The following DST variants were observed in gnomAD, a reference collection of about 807,000 sequenced individuals.
The protein encoded by DST is dystonin.
In DST, 253 loss-of-function variants were observed where a neutral mutation model predicts 875.2. The observed-to-expected ratio is 0.29, with a 90% CI of 0.26 to 0.32. DST has a LOEUF of 0.32. Ranked by LOEUF, DST falls within the 10% of genes least tolerant of loss-of-function variation. The pLI, the probability that DST is intolerant of heterozygous loss-of-function variation, is 1.00. For synonymous variants in DST, 3,124 were observed against 3,197.1 expected (o/e 0.98, Z 0.77); for missense variants, 8,287 against 9,111.6 (o/e 0.91, Z 3.68).
At chr6:56,525,829 C>T (rs1290515304) in intron 69 of DST, among the ~76,000 whole-genome samples, 1 of 152,156 alleles carries the variant, frequency 6.6e-6, no homozygotes, top group Non-Finnish European at 1.5e-5. Context: ...AGTATACATT[C>T]TGCAGGAGTT....
intron 27 of DST, 85 bp from the exon 28 acceptor site, chr6:56,633,122 T>C: frequency 9.5e-7 from 1 of 1,048,266 alleles, no homozygotes; most frequent in Non-Finnish European, 1.5e-6. Context: ...GTGTGGTATA[T>C]GCCAATCTAA....
At chr6:56,569,344 A>AAAC (rs1406842224) in intron 54 of DST, among the ~76,000 whole-genome samples, 22 of 149,216 alleles carry the variant, frequency 1.5e-4, no homozygotes, top group East Asian at 9.7e-4. Context: ...AAAAAACAAA[A>AAAC]ACACACACAC....
chr6:56,463,585 G>T lies in DST; in HGVS notation c.22939C>A (p.Pro7647Thr). 6.3e-7 allele frequency: 1 copy of T among 1,595,456 alleles called. No homozygotes were observed. Among genetic ancestry groups the T allele is most frequent in the Non-Finnish European group, 8.6e-7 (1 of 1,168,734 alleles). ...CTTACCTTGGGTGTGGTGGTGGCAG[G>T]GACCTGTGGGGAGGCCGCCTGCGCA... is the stretch of plus-strand genomic sequence containing the variant. ...QAAQAASPQV[P>T]ATTTPKILHP... The change falls in exon 101 of 104, where the codon CCT (proline) becomes ACT (threonine). Residue 7647 changes from proline to threonine, a missense_variant. Pro to Thr is a conservative substitution (Grantham distance 38, BLOSUM62 -1). Around this residue, in one of 10 missense-constraint regions of DST, gnomAD observed 240 missense variants for 237.3 expected, o/e 1.01. Transcript: ENST00000680361.
At chr6:56,794,557 C>T (rs1286526015) in intron 4 of DST, among the ~76,000 whole-genome samples, 3 of 152,134 alleles carry the variant, frequency 2.0e-5, no homozygotes, top group Admixed American at 2.0e-4. Flanking sequence ...TGAAACCCCA[C>T]AAAAACCTCA....
intron 4 of DST, among the ~76,000 whole-genome samples, chr6:56,818,380 G>T (rs927076440): frequency 3.1e-4 from 47 of 152,134 alleles, no homozygotes; most frequent in African/African-American, 1.1e-3. Context: ...AAACATGGGT[G>T]TATATATAAC....
rs2097518148 is a variant in DST at position 56,560,351 on chromosome 6, C to G, written c.14383G>C (p.Glu4795Gln). The change falls in exon 58 of 104, where the codon GAG (glutamate) becomes CAG (glutamine). Residue 4795 changes from glutamate (E) to glutamine (Q), a missense_variant. Glu to Gln is a conservative substitution (Grantham distance 29, BLOSUM62 2). This residue lies in a region of DST where 1,513 missense variants were observed against 1,677.8 expected (regional missense o/e 0.90). Transcript: ENST00000680361. ...ELKDKLTELL[E>Q]ENPDTPEAPR... ...GCCTCAGGAGTATCTGGGTTCTCCT[C>G]CAACAGCTCTGTCAATTTGTCTTTC... 5 of 1,609,790 alleles carry G rather than the reference C, an allele frequency of 3.1e-6. No homozygotes were observed. The highest frequency in any genetic ancestry group is 4.2e-6 in the Non-Finnish European group (5 of 1,177,818).
chr6:56,560,352 C>T lies in DST; in HGVS notation c.14382G>A (p.Leu4794=). 4 of 1,609,688 alleles carry T rather than the reference C, an allele frequency of 2.5e-6. No homozygotes were observed. The highest frequency in any genetic ancestry group is 1.7e-6 in the Non-Finnish European group (2 of 1,177,684). ...CCTCAGGAGTATCTGGGTTCTCCTC[C>T]AACAGCTCTGTCAATTTGTCTTTCA... The part of the protein sequence containing the change: ...QELKDKLTEL[L]EENPDTPEAP... Residue 4794 remains leucine (L), a synonymous_variant, in exon 58 of 104, where the codon TTG becomes TTA. Coordinates refer to ENST00000680361, the MANE Select transcript of DST (RefSeq NM_001374736.1).
At chr6:56,851,675 C>T in intron 3 of DST, 71 bp from the exon 4 acceptor site, 2 of 1,558,940 alleles carry the variant, frequency 1.3e-6, no homozygotes, top group South Asian at 1.2e-5. Context: ...TAAACATCTC[C>T]CCCACCAACC....
rs1404977690 is a variant in DST, at chr6:56,573,678, C to T, written c.13236+1G>A. ...TGGGACTTTTTTTTAAAGTCACTTACAATGTTTTTACTGATAATATCCTGA... is the reference window on the plus strand; with the variant it reads ...TGGGACTTTTTTTTAAAGTCACTTATAATGTTTTTACTGATAATATCCTGA... On this transcript the variant is annotated splice_donor_variant, in intron 51 of 103. Coordinates refer to ENST00000680361, the MANE Select transcript of DST (RefSeq NM_001374736.1). LOFTEE classifies it high-confidence loss of function. The T allele has an allele frequency of 6.2e-7, 1 of 1,606,942 alleles. No homozygotes were observed. The highest frequency in any genetic ancestry group is 1.1e-5 in the South Asian group (1 of 90,180).
At chr6:56,861,154 T>C (rs951394163) in intron 3 of DST, among the ~76,000 whole-genome samples, 2 of 142,152 alleles carry the variant, frequency 1.4e-5, no homozygotes, top group African/African-American at 6.3e-5. Flanking sequence ...CACTTACTCT[T>C]TCACTACAAA....
intron 4 of DST, among the ~76,000 whole-genome samples, chr6:56,833,793 A>G (rs2099790214): frequency 6.6e-6 from 1 of 152,204 alleles, no homozygotes; most frequent in Non-Finnish European, 1.5e-5. Flanking sequence ...TAGCTATAAT[A>G]TGCAGTGGCT....
At chr6:56,782,766 C>A (rs1304087390) in intron 4 of DST, among the ~76,000 whole-genome samples, 1 of 152,142 alleles carries the variant, frequency 6.6e-6, no homozygotes, top group Non-Finnish European at 1.5e-5. Flanking sequence ...CTTCTGTTAG[C>A]TTTTGAATGT....
chr6:56,467,314 A>G (rs1318935895), intron 98 of DST: 1 of 152,166 alleles, frequency 6.6e-6, no homozygotes, highest in Non-Finnish European at 1.5e-5. Context: ...ACTGAGTTTC[A>G]AGAAGAAAAC....
At position 56,645,912 on chromosome 6, in the gene DST, T is replaced by A; in HGVS notation, c.1732A>T (p.Ile578Phe). ...GCCTTCTCTCTCTCTAGCATGGCAA[T>A]AATGAGTTTCCCCCACTCTTTTTCT... The part of the protein sequence containing the change: ...DIEKEWGKLI[I>F]AMLEREKALR... The change falls in exon 15 of 104, where the codon ATT (isoleucine) becomes TTT (phenylalanine). Residue 578 changes from isoleucine to phenylalanine, a missense_variant. Transcript: ENST00000680361. The A allele has an allele frequency of 1.2e-6, 2 of 1,613,854 alleles. No individual in the cohort carries two copies. Among genetic ancestry groups the A allele is most frequent in the Non-Finnish European group, 1.7e-6 (2 of 1,179,786 alleles).
intron 10 of DST, among the ~76,000 whole-genome samples, chr6:56,657,613 C>T (rs1587944654): frequency 6.6e-6 from 1 of 152,036 alleles, no homozygotes; most frequent in Non-Finnish European, 1.5e-5. Flanking sequence ...TTCACGGGTA[C>T]ACAGCTTCAG....
intron 4 of DST, among the ~76,000 whole-genome samples, chr6:56,809,332 T>C (rs549455286): frequency 6.6e-6 from 1 of 152,274 alleles, no homozygotes; most frequent in African/African-American, 2.4e-5. Context: ...TTCTGAATGC[T>C]CCAATCATCT....
intron 69 of DST, among the ~76,000 whole-genome samples, chr6:56,525,272 CAAAT>C (rs1204649678): frequency 1.3e-5 from 2 of 152,138 alleles, no homozygotes; most frequent in African/African-American, 4.8e-5. Context: ...ATAAACTTCA[CAAAT>C]AAACACCCTC....
chr6:56,908,942 A>C (rs1156233917), intron 2 of DST, among the ~76,000 whole-genome samples: 2 of 152,184 alleles, frequency 1.3e-5, no homozygotes, highest in Admixed American at 1.3e-4. Context: ...ATCAAGAAAT[A>C]AGCATAAAAA....
rs1470233953 is a variant in DST, at chr6:56,916,778, T to TCTCTCACACA, written c.217-16158_217-16157insTGTGTGAGAG. On this transcript the variant is annotated intron_variant, in intron 2 of 103. Coordinates refer to ENST00000680361, the MANE Select transcript of DST (RefSeq NM_001374736.1). ...ATCTCTCTCTCTCTCTCTCTCTCTC[T>TCTCTCACACA]CACACACACACACACACACACACAC... Among the ~76,000 whole-genome samples the TCTCTCACACA allele has an allele frequency of 3.3e-3, 301 of 91,330 alleles. 3 individuals are homozygous for TCTCTCACACA. The highest frequency in any genetic ancestry group is 9.2e-3 in the African/African-American group (180 of 19,544). 59.9% of individuals were successfully genotyped at this position (91,330 alleles called of 152,430 possible). A position where few individuals can be genotyped will look rare whatever the true frequency, so the allele number is the denominator to read the frequency against.
Sources: allele counts gnomAD v4.1 joint callset (sites outside exome capture counted in the v4.1 genomes callset), GRCh38; gene constraint gnomAD v4.1.1; regional missense constraint gnomAD v4.1.1; transcripts MANE v1.5; gene names NCBI Gene and HGNC (gene_info 2026-07-23, HGNC 2026-07-21).